The following MFSD8 variants were observed in gnomAD, a reference collection of about 807,000 sequenced individuals.
MFSD8 encodes the protein major facilitator superfamily domain containing 8.
A neutral mutation model predicts 66.4 loss-of-function variants in MFSD8; 55 were observed. That is an observed-to-expected ratio of 0.83 (90% CI 0.67 to 1.04). The LOEUF (loss-of-function observed/expected upper bound fraction) is 1.04. Ranked by LOEUF, MFSD8 falls within the 50% of genes least tolerant of loss-of-function variation. The pLI is 0.00. For missense variants in MFSD8, 550 were observed against 627.6 expected, an observed-to-expected ratio of 0.88 and a Z score of 1.32; for synonymous variants, 202 against 212.8, an observed-to-expected ratio of 0.95 and a Z score of 0.44.
chr4:127,942,249 A>G (rs1740307917), intron 4 of MFSD8, 91 bp from the exon 5 acceptor site: 1 of 992,704 alleles, frequency 1.0e-6, no homozygotes, highest in African/African-American at 1.6e-5. Context: ...AGAAGAAGAA[A>G]TCTTGGTCAA....
chr4:127,947,896 A>ACTCT (rs1307402739), intron 3 of MFSD8, among the ~76,000 whole-genome samples: 31 of 145,244 alleles, frequency 2.1e-4, no homozygotes, highest in African/African-American at 7.7e-4. Context: ...ACACACACAC[A>ACTCT]CACTCTCTCT....
chr4:127,921,091 C>G (rs1256413127), intron 11 of MFSD8: 1 of 566,968 alleles, frequency 1.8e-6, no homozygotes, highest in African/African-American at 1.9e-5. Context: ...ATTAAAATAC[C>G]TTTTAAAGCT....
chr4:127,929,597 GA>G (rs752774420), intron 9 of MFSD8, among the ~76,000 whole-genome samples: 99 of 119,058 alleles, frequency 8.3e-4, no homozygotes, highest in African/African-American at 2.0e-3. Flanking sequence ...TTTACAAAAA[GA>G]AAAAAAAAAA....
rs1736406847 is a variant in MFSD8, at chr4:127,921,966, G to A, written c.999-3C>T. On this transcript the variant is annotated splice_region_variant and splice_polypyrimidine_tract_variant and intron_variant, in intron 9 of 11. Transcript: ENST00000641686. ...GTAGAATAGCACGCTCGCCAATCCTGTTAAAGAACAGAAACTCTGTAATTT... is the reference window on the plus strand; with the variant it reads ...GTAGAATAGCACGCTCGCCAATCCTATTAAAGAACAGAAACTCTGTAATTT... The A allele has an allele frequency of 6.2e-7, 1 of 1,612,392 alleles. No homozygotes were observed. The highest frequency in any genetic ancestry group is 8.5e-7 in the Non-Finnish European group (1 of 1,178,632).
intron 5 of MFSD8, among the ~76,000 whole-genome samples, chr4:127,940,929 T>A (rs1446617628): frequency 6.6e-6 from 1 of 152,166 alleles, no homozygotes; most frequent in Admixed American, 6.5e-5. Context: ...TGTTGAGGGC[T>A]TATTATTGGA....
At position 127,943,591 on chromosome 4, in the gene MFSD8, C is replaced by CA. The variant is rs1740559261; in HGVS notation, c.439+160dup. ...CTATAGGTAATGAGAACATCATGAG[C>CA]AAAGGCAAAATGATAAGAAAAATAT... On this transcript the variant is annotated intron_variant, in intron 4 of 11. Transcript: ENST00000641686. 4 of 816,678 alleles carry CA rather than the reference C, an allele frequency of 4.9e-6. No individual in the cohort carries two copies. The African/African-American group carries it at 6.9e-5, about 14-fold the overall frequency. 50.6% of individuals were successfully genotyped at this position (816,678 alleles called of 1,614,324 possible).
intron 9 of MFSD8, among the ~76,000 whole-genome samples, chr4:127,923,297 G>A (rs148342429): frequency 0.027 from 4,095 of 152,110 alleles, 160 homozygotes; most frequent in African/African-American, 0.094. Context: ...TTTGAGATAC[G>A]TTCCATCAAT....
rs1170295984 is a variant in MFSD8 at position 127,938,588 on chromosome 4, AAAAAAAATAAATAAATAAAT to A, written c.754+175_754+194del. Among the ~76,000 whole-genome samples, 104 of 136,790 alleles carry A rather than the reference AAAAAAAATAAATAAATAAAT, an allele frequency of 7.6e-4. 1 individual carries two copies. The highest frequency in any genetic ancestry group is 2.8e-3 in the African/African-American group (90 of 32,052). 89.7% of individuals were successfully genotyped at this position (136,790 alleles called of 152,430 possible). On this transcript the variant is annotated intron_variant, in intron 7 of 11. Transcript: ENST00000641686. ...ACAGAGCGAAACTCTGTCTCAAAAA[AAAAAAAATAAATAAATAAAT>A]AAATAAATAAATAAATAAATAAATA...
At chr4:127,965,430 G>A (rs913685061), upstream of MFSD8, 3 of 549,198 alleles carry the variant, frequency 5.5e-6, no homozygotes, top group African/African-American at 5.7e-5. Context: ...CCCTGCTCCG[G>A]GTTTGTCTTC....
intron 9 of MFSD8, among the ~76,000 whole-genome samples, chr4:127,928,713 A>T (rs562558827): frequency 6.6e-6 from 1 of 152,348 alleles, no homozygotes; most frequent in East Asian, 1.9e-4. Flanking sequence ...TGGAACTGCC[A>T]TATGAACCAG....
rs757222651 is a variant in MFSD8, at chr4:127,921,660, T to C, written c.1214A>G (p.Gln405Arg). 3 of 1,614,198 alleles carry C rather than the reference T, an allele frequency of 1.9e-6. No homozygotes were observed. In the Admixed American group the frequency reaches 5.0e-5, roughly 27 times the overall value. Residue 405 changes from glutamine (Q) to arginine (R), a missense_variant, in exon 11 of 12, where the codon CAA becomes CGA. By Grantham distance (43) the Gln-to-Arg change is conservative. Coordinates refer to ENST00000641686, the MANE Select transcript of MFSD8 (RefSeq NM_001371596.2). ...CACCGGGGTGTAGAGGCACCAGGCT[T>C]GTTCAATCGAGCAACCAGTTGGTCT... ...NERPTGCSIE[Q>R]AWCLYTPVIH...
chr4:127,947,898 A>ACACACACACACACTCTCT (rs777137519), intron 3 of MFSD8, among the ~76,000 whole-genome samples: 1 of 146,940 alleles, frequency 6.8e-6, no homozygotes, highest in East Asian at 2.0e-4. Flanking sequence ...ACACACACAC[A>ACACACACACACACTCTCT]CTCTCTCTCC....
In MFSD8 at chr4:127,921,894, A is replaced by G. The variant is rs376258320; in HGVS notation, c.1068T>C (p.Pro356=). ...GTATTTTGGGAAATTGATTTCCCCA[A>G]GGTAACAAGATAAAGAAGCCAACCC... ...VVWVGFFILL[P]WGNQFPKIQW... is the part of the protein sequence containing the mutation. The change falls in exon 10 of 12, where the codon CCT becomes CCC. Residue 356 remains proline (P), a synonymous_variant. Coordinates refer to ENST00000641686, the MANE Select transcript of MFSD8 (RefSeq NM_001371596.2). The G allele has an allele frequency of 2.3e-5, 37 of 1,614,054 alleles. No homozygotes were observed. The highest frequency in any genetic ancestry group is 2.5e-5 in the Non-Finnish European group (30 of 1,180,034).
intron 1 of MFSD8, among the ~76,000 whole-genome samples, chr4:127,958,597 A>G (rs372718981): frequency 6.6e-6 from 1 of 152,268 alleles, no homozygotes; most frequent in East Asian, 1.9e-4. Flanking sequence ...ATGTCATTCC[A>G]TATAAACAAA....
chr4:127,964,766 G>A (rs940591582), intron 1 of MFSD8: 3 of 521,688 alleles, frequency 5.8e-6, no homozygotes, highest in Non-Finnish European at 1.0e-5. Flanking sequence ...GAGCGAGCAA[G>A]GGCTGTGAGG....
At chr4:127,949,972 C>A in intron 2 of MFSD8, 125 bp from the exon 3 acceptor site, 3 of 708,638 alleles carry the variant, frequency 4.2e-6, no homozygotes, top group Non-Finnish European at 4.6e-6. Flanking sequence ...ATACAAATGC[C>A]TAATTTATGA....
chr4:127,955,475 G>A (rs1198312125), intron 2 of MFSD8, among the ~76,000 whole-genome samples: 2 of 150,026 alleles, frequency 1.3e-5, no homozygotes, highest in Non-Finnish European at 2.9e-5. Flanking sequence ...CGCAGGCGGA[G>A]GTTTCAGTGA....
chr4:127,947,184 G>A (rs1009071348), intron 3 of MFSD8, among the ~76,000 whole-genome samples: 1 of 151,910 alleles, frequency 6.6e-6, no homozygotes, highest in African/African-American at 2.4e-5. Flanking sequence ...GAGGTCAGGC[G>A]TTCGAGATCA....
intron 2 of MFSD8, among the ~76,000 whole-genome samples, chr4:127,950,268 A>G (rs1479020970): frequency 6.6e-6 from 1 of 152,244 alleles, no homozygotes; most frequent in East Asian, 1.9e-4. Flanking sequence ...ATGATCATCT[A>G]CAGGGGGGCT....
Sources: gnomAD v4.1 joint callset for allele counts (sites outside exome capture counted in the v4.1 genomes callset) on GRCh38, gnomAD v4.1.1 for gene constraint, MANE v1.5 for transcripts, NCBI Gene and HGNC (gene_info 2026-07-23, HGNC 2026-07-21) for gene names.